EXOC6B: variants seen among roughly 807,000 people sequenced by gnomAD.
EXOC6B encodes the protein exocyst complex component 6B.
In EXOC6B, 54 loss-of-function variants were observed where a neutral mutation model predicts 113.5. The observed-to-expected ratio is 0.48, with a 90% CI of 0.38 to 0.60. The LOEUF (loss-of-function observed/expected upper bound fraction) is 0.60. EXOC6B is among the 20% of genes least tolerant of loss of function. EXOC6B has a pLI of 0.00. For missense variants in EXOC6B, 797 were observed against 977.5 expected (o/e 0.82, Z 2.46); for synonymous variants, 357 against 339.0 (o/e 1.05, Z -0.58).
rs118084228 is a variant in EXOC6B at position 72,403,895 on chromosome 2, C to A, written c.1981-24025G>T. Reference sequence around the variant, plus strand: ...GTGGGTGCAGTACACCGAGCATGACCCGAAGCAGGGCAAGGCATCGCCTCA... The same window carrying A: ...GTGGGTGCAGTACACCGAGCATGACACGAAGCAGGGCAAGGCATCGCCTCA... On this transcript the variant is annotated intron_variant, in intron 18 of 21. Transcript: ENST00000272427. Among the ~76,000 whole-genome samples, 124 of 152,166 alleles carry A rather than the reference C, an allele frequency of 8.1e-4. No individual in the cohort carries two copies. The East Asian group carries it at 0.014, about 17-fold the overall frequency.
intron 6 of EXOC6B, among the ~76,000 whole-genome samples, chr2:72,686,246 T>C (rs549695170): frequency 3.3e-5 from 5 of 152,300 alleles, no homozygotes; most frequent in Admixed American, 2.6e-4. Flanking sequence ...TGGATTTCCT[T>C]AGGTAGGCTC....
At position 72,532,585 on chromosome 2, in the gene EXOC6B, G is replaced by A. The variant is rs148188281; in HGVS notation, c.916-17459C>T. 5.0e-3 allele frequency among the ~76,000 whole-genome samples: 754 copies of A among 152,102 alleles called. 11 individuals are homozygous for A. Among genetic ancestry groups the A allele is most frequent in the African/African-American group, 0.017 (692 of 41,482 alleles). ...AGCACTTTGGGAGGCCGAGGCGGGCGGATCACCAGGTCAGGAGTTCGAGAC... is the reference window on the plus strand; with the variant it reads ...AGCACTTTGGGAGGCCGAGGCGGGCAGATCACCAGGTCAGGAGTTCGAGAC... On this transcript the variant is annotated intron_variant, in intron 8 of 21. Transcript: ENST00000272427.
intron 20 of EXOC6B, among the ~76,000 whole-genome samples, chr2:72,300,404 A>G (rs117717121): frequency 0.052 from 7,948 of 152,248 alleles, 372 homozygotes; most frequent in East Asian, 0.18. Flanking sequence ...GGTCGACCTC[A>G]GACTGCTGTG....
intron 6 of EXOC6B, among the ~76,000 whole-genome samples, chr2:72,692,761 C>A (rs1677589919): frequency 6.6e-6 from 1 of 152,190 alleles, no homozygotes; most frequent in South Asian, 2.1e-4. Flanking sequence ...AAGAGGCACT[C>A]ACTAGGATTT....
intron 18 of EXOC6B, among the ~76,000 whole-genome samples, chr2:72,448,482 T>A (rs2105353510): frequency 6.6e-6 from 1 of 152,306 alleles, no homozygotes; most frequent in East Asian, 1.9e-4. Flanking sequence ...TTATTTAAGC[T>A]ATACTAAACA....
intron 20 of EXOC6B, among the ~76,000 whole-genome samples, chr2:72,187,440 G>A (rs1347500860): frequency 6.6e-6 from 1 of 151,958 alleles, no homozygotes; most frequent in Admixed American, 6.5e-5. Context: ...ACAAGCAGAG[G>A]ATGAGAAAAA....
At chr2:72,337,736 A>G (rs560246052) in intron 19 of EXOC6B, among the ~76,000 whole-genome samples, 1 of 152,290 alleles carries the variant, frequency 6.6e-6, no homozygotes, top group African/African-American at 2.4e-5. Flanking sequence ...TTTCACATAT[A>G]GTTTATGGAA....
intron 20 of EXOC6B, among the ~76,000 whole-genome samples, chr2:72,323,839 TG>T (rs1687981995): frequency 2.2e-5 from 2 of 89,888 alleles, no homozygotes; most frequent in Non-Finnish European, 4.4e-5. Flanking sequence ...CTGTTGGGGG[TG>T]GGGGGCTAGG....
At chr2:72,433,810 C>T (rs371000560) in intron 18 of EXOC6B, among the ~76,000 whole-genome samples, 5 of 152,154 alleles carry the variant, frequency 3.3e-5, no homozygotes, top group African/African-American at 9.7e-5. Context: ...TGGGCTGAGA[C>T]GATGGGGTTT....
chr2:72,490,860 A>G (rs919129689), intron 16 of EXOC6B, among the ~76,000 whole-genome samples: 1 of 152,180 alleles, frequency 6.6e-6, no homozygotes, highest in Admixed American at 6.5e-5. Context: ...ACTGAACCCA[A>G]GATTCTTCTG....
intron 12 of EXOC6B, 53 bp from the exon 13 acceptor site, chr2:72,498,604 C>T (rs1455097994): frequency 7.0e-5 from 77 of 1,092,670 alleles, no homozygotes; most frequent in East Asian, 2.4e-4. Flanking sequence ...GTTTTTTTTT[C>T]GGTTTTTTTT....
intron 2 of EXOC6B, among the ~76,000 whole-genome samples, chr2:72,738,019 T>C (rs1346061504): frequency 1.3e-5 from 2 of 151,996 alleles, no homozygotes; most frequent in Admixed American, 1.3e-4. Context: ...ATAAAGAAAA[T>C]GTAAAGATTT....
At chr2:72,813,342 C>G (rs1428174162) in intron 1 of EXOC6B, among the ~76,000 whole-genome samples, 2 of 152,168 alleles carry the variant, frequency 1.3e-5, no homozygotes, top group Admixed American at 6.5e-5. Context: ...TCCTGCTCAG[C>G]CTCCCAAAGT....
At chr2:72,333,693 C>T (rs1221388619) in intron 20 of EXOC6B, among the ~76,000 whole-genome samples, 2 of 151,984 alleles carry the variant, frequency 1.3e-5, no homozygotes, top group Admixed American at 6.6e-5. Context: ...CAAGAGAACC[C>T]CCACCTTGGC....
At chr2:72,689,498 T>C (rs1019193773) in intron 6 of EXOC6B, among the ~76,000 whole-genome samples, 1 of 152,214 alleles carries the variant, frequency 6.6e-6, no homozygotes, top group African/African-American at 2.4e-5. Flanking sequence ...GTAGAAGGAC[T>C]GGGATTCCTA....
Position 72,670,019 on chromosome 2 carries a change from T to C in EXOC6B, c.669+48084A>G, listed in dbSNP as rs567403466. ...CAGCCATATAAATTAGGGGAAATTG[T>C]ATTTTGTAGTTTTTTCATAACTCTA... On this transcript the variant is annotated intron_variant, in intron 6 of 21. Coordinates refer to ENST00000272427, the MANE Select transcript of EXOC6B (RefSeq NM_015189.3). 3.2e-4 allele frequency among the ~76,000 whole-genome samples: 49 copies of C among 152,364 alleles called. 1 individual carries two copies. In the South Asian group the frequency reaches 9.9e-3, roughly 31 times the overall value.
intron 18 of EXOC6B, among the ~76,000 whole-genome samples, chr2:72,446,187 T>C (rs1012006729): frequency 3.3e-5 from 5 of 152,076 alleles, no homozygotes; most frequent in Non-Finnish European, 7.4e-5. Flanking sequence ...TAAAGACACA[T>C]GCATGCAAAT....
intron 19 of EXOC6B, among the ~76,000 whole-genome samples, chr2:72,376,851 GT>G (rs891194264): frequency 6.6e-6 from 1 of 151,220 alleles, no homozygotes; most frequent in African/African-American, 2.4e-5. Context: ...GCGTGGAATT[GT>G]TTTTTTCTTC....
At chr2:72,440,289 C>T (rs1006968262) in intron 18 of EXOC6B, among the ~76,000 whole-genome samples, 4 of 152,120 alleles carry the variant, frequency 2.6e-5, no homozygotes, top group Non-Finnish European at 5.9e-5. Flanking sequence ...ATGTTAAGGA[C>T]AGTGAGAAAT....
Sources: gnomAD v4.1 joint callset for allele counts (sites outside exome capture counted in the v4.1 genomes callset) on GRCh38, gnomAD v4.1.1 for gene constraint, MANE v1.5 for transcripts, NCBI Gene and HGNC (gene_info 2026-07-23, HGNC 2026-07-21) for gene names.